Variants in RASA1 observed in about 807,000 individuals in gnomAD.
The protein encoded by RASA1 is ras GTPase-activating protein 1.
RASA1 carries 25 observed loss-of-function variants against 132.2 expected under a neutral mutation model. That is an observed-to-expected ratio of 0.19 (90% CI 0.14 to 0.26). The LOEUF (loss-of-function observed/expected upper bound fraction) is 0.26. Ranked by LOEUF, RASA1 falls within the 10% of genes least tolerant of loss-of-function variation. The pLI, the probability that RASA1 is intolerant of heterozygous loss-of-function variation, is 1.00. For missense variants in RASA1, 964 were observed against 1,299.2 expected (o/e 0.74, Z 3.97); for synonymous variants, 477 against 449.9 (o/e 1.06, Z -0.76).
chr5:87,373,313 A>G (rs1217084728), intron 13 of RASA1, among the ~76,000 whole-genome samples: 2 of 152,140 alleles, frequency 1.3e-5, no homozygotes, highest in East Asian at 3.9e-4. Context: ...TGTATTAGGT[A>G]TTACAAGTAA....
chr5:87,330,173 A>G (rs112198973), intron 1 of RASA1, among the ~76,000 whole-genome samples: 4,865 of 152,264 alleles, frequency 0.032, 161 homozygotes, highest in African/African-American at 0.074. Flanking sequence ...GAAGAAAACT[A>G]AAAGTAATTC....
intron 1 of RASA1, among the ~76,000 whole-genome samples, chr5:87,314,102 C>T (rs560177280): frequency 2.6e-5 from 4 of 152,126 alleles, no homozygotes; most frequent in South Asian, 2.1e-4. Flanking sequence ...GAACCCGGGA[C>T]GTGGAGGTTG....
chr5:87,350,984 C>A (rs968785919), intron 8 of RASA1, among the ~76,000 whole-genome samples: 1 of 151,452 alleles, frequency 6.6e-6, no homozygotes, highest in Admixed American at 6.6e-5. Context: ...GAAGATAAAT[C>A]TTTGTGCTTA....
Position 87,370,319 on chromosome 5 carries a change from T to C in RASA1, c.1698+419T>C, listed in dbSNP as rs112434594. Among the ~76,000 whole-genome samples the C allele has an allele frequency of 1.4e-3, 206 of 152,328 alleles. 1 individual carries two copies. Among genetic ancestry groups the C allele is most frequent in the Non-Finnish European group, 2.6e-3 (175 of 68,018 alleles). On this transcript the variant is annotated intron_variant, in intron 12 of 24. Transcript: ENST00000274376. ...AAAAGTCAGTCAACACAAGGAAAGA[T>C]ATTTTAGGAATCTATTCTCTAAGCC...
intron 15 of RASA1, 47 bp downstream of exon 15, chr5:87,374,963 AT>A: frequency 6.4e-7 from 1 of 1,567,748 alleles, no homozygotes; most frequent in Non-Finnish European, 8.6e-7. Context: ...CATGTTTTAT[AT>A]ACTTTCAAAA....
intron 12 of RASA1, among the ~76,000 whole-genome samples, chr5:87,371,413 C>T (rs767078005): frequency 7.2e-5 from 11 of 152,002 alleles, no homozygotes; most frequent in Admixed American, 6.6e-5. Flanking sequence ...AGCAATAGTA[C>T]ACAGCTTTCC....
intron 1 of RASA1, among the ~76,000 whole-genome samples, chr5:87,317,833 G>A (rs1220940721): frequency 2.0e-5 from 3 of 151,890 alleles, no homozygotes; most frequent in Admixed American, 6.6e-5. Flanking sequence ...ACAGGGTTTT[G>A]CCATGTTGCC....
chr5:87,343,663 G>T (rs1758639535), intron 6 of RASA1, among the ~76,000 whole-genome samples: 1 of 152,116 alleles, frequency 6.6e-6, no homozygotes, highest in South Asian at 2.1e-4. Flanking sequence ...CAGCATGGAA[G>T]TTCTTCAAAA....
chr5:87,298,490 T>C (rs1755219006), intron 1 of RASA1, among the ~76,000 whole-genome samples: 1 of 151,446 alleles, frequency 6.6e-6, no homozygotes. Flanking sequence ...TGTTTAAAGG[T>C]TACAAGTTTT....
At chr5:87,381,846 G>C (rs1177855613) in intron 20 of RASA1, among the ~76,000 whole-genome samples, 2 of 152,170 alleles carry the variant, frequency 1.3e-5, no homozygotes, top group African/African-American at 4.8e-5. Flanking sequence ...GGGCATTTTT[G>C]CCAAGGTTAG....
Position 87,374,442 on chromosome 5 carries a change from CAT to C in RASA1, c.1934+139_1934+140del, listed in dbSNP as rs772543160. ...GTACCATATCCAGGTGTTCTAATAG[CAT>C]ATATATATATATATATTTTTTTTTT... On this transcript the variant is annotated intron_variant, in intron 14 of 24. Coordinates refer to ENST00000274376, the MANE Select transcript of RASA1 (RefSeq NM_002890.3). The C allele has an allele frequency of 3.1e-3, 880 of 282,832 alleles. 1 individual carries two copies. Among genetic ancestry groups the C allele is most frequent in the East Asian group, 4.6e-3 (51 of 10,994 alleles). 17.5% of individuals were successfully genotyped at this position (282,832 alleles called of 1,614,324 possible). A position where few individuals can be genotyped will look rare whatever the true frequency, so the allele number is the denominator to read the frequency against.
chr5:87,348,286 TTAG>T (rs1256167911), intron 7 of RASA1, among the ~76,000 whole-genome samples: 2 of 152,034 alleles, frequency 1.3e-5, no homozygotes, highest in Non-Finnish European at 2.9e-5. Context: ...ATTGGAACTA[TTAG>T]TAATTTACCC....
chr5:87,348,440 T>C (rs1473426708), intron 7 of RASA1, among the ~76,000 whole-genome samples: 1 of 152,022 alleles, frequency 6.6e-6, no homozygotes, highest in Non-Finnish European at 1.5e-5. Flanking sequence ...ATCAAAGATA[T>C]CAGAAATACT....
chr5:87,277,004 C>T (rs962832224), intron 1 of RASA1, among the ~76,000 whole-genome samples: 4 of 151,952 alleles, frequency 2.6e-5, no homozygotes, highest in Non-Finnish European at 4.4e-5. Context: ...ATTTATAATT[C>T]ATTTTTTTTT....
intron 1 of RASA1, among the ~76,000 whole-genome samples, chr5:87,304,551 T>G (rs1755521826): frequency 6.6e-6 from 1 of 151,474 alleles, no homozygotes; most frequent in South Asian, 2.1e-4. Flanking sequence ...CACTGCAACC[T>G]CCGACTCCTG....
chr5:87,304,380 T>C (rs556911917), intron 1 of RASA1, among the ~76,000 whole-genome samples: 79 of 152,336 alleles, frequency 5.2e-4, no homozygotes, highest in African/African-American at 1.8e-3. Flanking sequence ...TTACTTTTAC[T>C]ATTTCCCTAA....
intron 1 of RASA1, among the ~76,000 whole-genome samples, chr5:87,322,237 G>A (rs879594277): frequency 1.3e-5 from 2 of 152,140 alleles, no homozygotes; most frequent in Non-Finnish European, 2.9e-5. Flanking sequence ...CACAGCAGGA[G>A]GTGTGAGCCA....
chr5:87,268,325 T>G lies in RASA1; in HGVS notation c.-127T>G. On this transcript the variant is annotated 5_prime_UTR_variant, in exon 1 of 25. Coordinates refer to ENST00000274376, the MANE Select transcript of RASA1 (RefSeq NM_002890.3). ...CGCGGCGGCGGGCTCTCTCCTTTTGTTGTTGTTTCCTCAGCCTGGGGAGCT... is the reference window on the plus strand; with the variant it reads ...CGCGGCGGCGGGCTCTCTCCTTTTGGTGTTGTTTCCTCAGCCTGGGGAGCT... 4.1e-4 allele frequency: 408 copies of G among 985,704 alleles called. No individual in the cohort carries two copies. Among genetic ancestry groups the G allele is most frequent in the Middle Eastern group, 7.0e-4 (2 of 2,870 alleles). 61.1% of individuals were successfully genotyped at this position (985,704 alleles called of 1,614,324 possible).
chr5:87,390,436 C>T (rs1472045355), intron 24 of RASA1, among the ~76,000 whole-genome samples: 2 of 151,804 alleles, frequency 1.3e-5, no homozygotes, highest in South Asian at 2.1e-4. Flanking sequence ...CCCCTCCCCC[C>T]GCAGCTTTCA....
Sources: allele counts gnomAD v4.1 joint callset (sites outside exome capture counted in the v4.1 genomes callset), GRCh38; gene constraint gnomAD v4.1.1; transcripts MANE v1.5; gene names NCBI Gene and HGNC (gene_info 2026-07-23, HGNC 2026-07-21).